The following SLC30A8 variants were observed in gnomAD, a reference collection of about 807,000 sequenced individuals.
The protein encoded by SLC30A8 is solute carrier family 30 member 8.
In SLC30A8, 27 loss-of-function variants were observed where a neutral mutation model predicts 36.9. The ratio of observed to expected loss-of-function variants is 0.73; its 90% CI spans 0.54 to 1.01. The LOEUF is 1.01. Ranked by LOEUF, SLC30A8 falls within the 50% of genes least tolerant of loss-of-function variation. The probability of loss-of-function intolerance (pLI) is 0.00; values close to 1 mark genes in which losing one functional copy is unlikely to be tolerated. For synonymous variants in SLC30A8, 164 were observed against 172.4 expected (o/e 0.95, Z 0.38); for missense variants, 439 against 452.0 (o/e 0.97, Z 0.26).
At chr8:117,040,056 A>G (rs544005185) in intron 2 of SLC30A8, among the ~76,000 whole-genome samples, 3 of 152,342 alleles carry the variant, frequency 2.0e-5, no homozygotes, top group African/African-American at 7.2e-5. Flanking sequence ...CTGTGTATGT[A>G]CATATGCCTG....
chr8:117,152,284 G>GAAGT (rs1822227015), intron 2 of SLC30A8, among the ~76,000 whole-genome samples: 1 of 152,124 alleles, frequency 6.6e-6, no homozygotes, highest in Non-Finnish European at 1.5e-5. Flanking sequence ...GGATTAGAGG[G>GAAGT]AAGTAGAGGG....
At chr8:117,121,599 A>T (rs1586550489) in intron 2 of SLC30A8, among the ~76,000 whole-genome samples, 1 of 151,918 alleles carries the variant, frequency 6.6e-6, no homozygotes, top group African/African-American at 2.4e-5. Context: ...CCTCCCAAAG[A>T]TGCCACCTCC....
intron 2 of SLC30A8, among the ~76,000 whole-genome samples, chr8:117,078,629 ATATATT>A (rs1348908980): frequency 6.6e-6 from 1 of 152,158 alleles, no homozygotes; most frequent in Non-Finnish European, 1.5e-5. Context: ...AAATTAGCTG[ATATATT>A]TATATTATGT....
intron 2 of SLC30A8, among the ~76,000 whole-genome samples, chr8:117,074,730 G>T (rs1332700193): frequency 6.6e-6 from 1 of 152,124 alleles, no homozygotes; most frequent in East Asian, 1.9e-4. Flanking sequence ...CTGTACCATG[G>T]TTAATGACAC....
chr8:117,063,955 T>A (rs1200136603), intron 2 of SLC30A8, among the ~76,000 whole-genome samples: 1 of 152,062 alleles, frequency 6.6e-6, no homozygotes, highest in Non-Finnish European at 1.5e-5. Flanking sequence ...TCATGATGGC[T>A]CCTTTCACTC....
chr8:117,144,788 G>A (rs1190965197), intron 1 of SLC30A8, among the ~76,000 whole-genome samples: 1 of 151,806 alleles, frequency 6.6e-6, no homozygotes, highest in African/African-American at 2.4e-5. Flanking sequence ...CCCCACTGAG[G>A]AGCAGCCCTG....
intron 1 of SLC30A8, among the ~76,000 whole-genome samples, chr8:116,984,384 C>T (rs905838552): frequency 4.6e-5 from 7 of 152,074 alleles, no homozygotes; most frequent in Admixed American, 2.6e-4. Flanking sequence ...AAGAAACAGC[C>T]AAACTGTTTT....
At chr8:117,126,709 T>C (rs1820920717) in intron 2 of SLC30A8, among the ~76,000 whole-genome samples, 1 of 151,984 alleles carries the variant, frequency 6.6e-6, no homozygotes, top group Non-Finnish European at 1.5e-5. Flanking sequence ...GCTTATATTC[T>C]CATAGGAGTA....
intron 1 of SLC30A8, among the ~76,000 whole-genome samples, chr8:117,001,204 C>CTTTTTTTTTTTTTTTT (rs34639384): frequency 1.3e-5 from 1 of 78,314 alleles, no homozygotes; most frequent in Admixed American, 1.7e-4. Context: ...TTGCTAGGGG[C>CTTTTTTTTTTTTTTTT]TTTTTTTTTT....
chr8:117,029,767 T>C (rs996397617), intron 1 of SLC30A8, among the ~76,000 whole-genome samples: 56 of 152,338 alleles, frequency 3.7e-4, no homozygotes, highest in Admixed American at 2.7e-3. Context: ...TTTTTGTGTT[T>C]GTTTGGAGTC....
rs901580633 is a variant in SLC30A8, at chr8:116,951,837, T to A, written c.-266+718T>A. Among the ~76,000 whole-genome samples, 3 of 152,198 alleles carry A rather than the reference T, an allele frequency of 2.0e-5. No homozygotes were observed. In the East Asian group the frequency reaches 5.8e-4, roughly 30 times the overall value. ...GTTTTAAAATAAGCATCTTTCTGGA[T>A]GCTGAGCGTAGGACAATAAACCTGA... On this transcript the variant is annotated intron_variant, in intron 1 of 10. Coordinates refer to the SLC30A8 transcript ENST00000427715.
chr8:116,973,528 G>A (rs993788934), intron 1 of SLC30A8, among the ~76,000 whole-genome samples: 20 of 152,278 alleles, frequency 1.3e-4, no homozygotes, highest in African/African-American at 4.1e-4. Flanking sequence ...GCTGCTCAAC[G>A]AAATAAAAGA....
intron 6 of SLC30A8, among the ~76,000 whole-genome samples, chr8:117,169,527 T>C (rs1823255786): frequency 6.6e-6 from 1 of 152,150 alleles, no homozygotes; most frequent in Non-Finnish European, 1.5e-5. Flanking sequence ...ACAATGCTTA[T>C]GCTCAGGCCT....
chr8:117,109,378 C>T (rs909473511), intron 2 of SLC30A8, among the ~76,000 whole-genome samples: 1 of 152,116 alleles, frequency 6.6e-6, no homozygotes, highest in African/African-American at 2.4e-5. Flanking sequence ...AGTTGAGGCT[C>T]AGTATGGTTA....
Position 117,157,825 on chromosome 8 carries a change from G to C in SLC30A8, c.553G>C (p.Ala185Pro). 6.2e-7 allele frequency: 1 copy of C among 1,614,050 alleles called. No homozygotes were observed. Among genetic ancestry groups the C allele is most frequent in the Non-Finnish European group, 8.5e-7 (1 of 1,179,978 alleles). ...TGTGATGATCATCGTTTCCAGCTGC[G>C]CAGTGGCGGCCAACATTGTGTAAGT... ...ATVMIIVSSC[A>P]VAANIVLTVV... Residue 185 changes from alanine to proline, a missense_variant, in exon 4 of 8, where the codon GCA (alanine) becomes CCA (proline). Ala to Pro is a conservative substitution (Grantham distance 27). Coordinates refer to ENST00000456015, the MANE Select transcript of SLC30A8 (RefSeq NM_173851.3).
chr8:117,097,413 A>AT lies in SLC30A8; in HGVS notation c.-225-37867_-225-37866insT, dbSNP rs1272798859. Reference sequence around the variant, plus strand: ...CTCCATCTCAAAAAAAAAAAAAAAAAAAAAAATATATATAAATATATATAA... The same window carrying AT: ...CTCCATCTCAAAAAAAAAAAAAAAAATAAAAAATATATATAAATATATATAA... On this transcript the variant is annotated intron_variant, in intron 2 of 10. Coordinates refer to the SLC30A8 transcript ENST00000427715. 5.9e-3 allele frequency among the ~76,000 whole-genome samples: 689 copies of AT among 116,462 alleles called. 21 individuals carry two copies. Among genetic ancestry groups the AT allele is most frequent in the African/African-American group, 0.02 (528 of 26,604 alleles). 76.4% of individuals were successfully genotyped at this position (116,462 alleles called of 152,430 possible). A position where few individuals can be genotyped will look rare whatever the true frequency, so the allele number is the denominator to read the frequency against.
chr8:116,979,804 C>T (rs1371964285), intron 1 of SLC30A8, among the ~76,000 whole-genome samples: 2 of 152,180 alleles, frequency 1.3e-5, no homozygotes, highest in Non-Finnish European at 2.9e-5. Flanking sequence ...ATCTTCTGCC[C>T]TGGACCTTTT....
chr8:117,145,400 T>C (rs1350679486), intron 1 of SLC30A8, among the ~76,000 whole-genome samples: 3 of 152,142 alleles, frequency 2.0e-5, no homozygotes, highest in East Asian at 1.9e-4. Context: ...AATGAATATA[T>C]ATTATTTTAT....
At chr8:117,116,346 C>T (rs941313333) in intron 2 of SLC30A8, among the ~76,000 whole-genome samples, 2 of 151,906 alleles carry the variant, frequency 1.3e-5, no homozygotes, top group African/African-American at 4.8e-5. Context: ...TTAAACTGAA[C>T]TAAAATACTA....
Sources: gnomAD v4.1 joint callset for allele counts (sites outside exome capture counted in the v4.1 genomes callset) on GRCh38, gnomAD v4.1.1 for gene constraint, MANE v1.5 for transcripts, NCBI Gene and HGNC (gene_info 2026-07-23, HGNC 2026-07-21) for gene names.